Variants in COG3 observed in about 807,000 individuals in gnomAD.
The protein encoded by COG3 is conserved oligomeric Golgi complex subunit 3.
Under a neutral mutation model 114.1 loss-of-function variants are expected in COG3, and 32 were observed. The observed-to-expected ratio is 0.28, with a 90% CI of 0.21 to 0.38. COG3 has a LOEUF of 0.38. Among genes scored for constraint, COG3 ranks in the 10% least tolerant of loss-of-function variants. The pLI is 1.00. For synonymous variants in COG3, 352 were observed against 365.7 expected, an observed-to-expected ratio of 0.96 and a Z score of 0.43; for missense variants, 813 against 973.2, an observed-to-expected ratio of 0.84 and a Z score of 2.19.
Position 45,490,357 on chromosome 13 carries a change from A to G in COG3, c.925-558A>G, listed in dbSNP as rs140398858. Among the ~76,000 whole-genome samples the G allele has an allele frequency of 8.5e-5, 13 of 152,358 alleles. No individual in the cohort carries two copies. The East Asian group carries it at 2.3e-3, about 27-fold the overall frequency. On this transcript the variant is annotated intron_variant, in intron 8 of 22. Coordinates refer to ENST00000349995, the MANE Select transcript of COG3 (RefSeq NM_031431.4). ...TTTATACAGTAGGGAGTGGAATCTC[A>G]GAAGTGAACCAGCTTGCCTGGGCTC... is the stretch of plus-strand genomic sequence containing the variant.
chr13:45,536,312 G>A lies in COG3; in HGVS notation c.*1581G>A, dbSNP rs1051493125. 14 of 152,200 alleles carry A rather than the reference G, an allele frequency of 9.2e-5. No homozygotes were observed. Among genetic ancestry groups the A allele is most frequent in the African/African-American group, 3.1e-4 (13 of 41,456 alleles). The allele number at this position is 152,200 out of a possible 1,614,324, so 9.4% of individuals were successfully genotyped here. A position where few individuals can be genotyped will look rare whatever the true frequency, so the allele number is the denominator to read the frequency against. On this transcript the variant is annotated 3_prime_UTR_variant, in exon 23 of 23. Coordinates refer to ENST00000349995, the MANE Select transcript of COG3 (RefSeq NM_031431.4). ...GAAATGAGGGCATGATTATTGTACA[G>A]TAAGTACGTGACTGATTTAATTTGA...
At chr13:45,492,757 G>A (rs1034041697) in intron 11 of COG3, among the ~76,000 whole-genome samples, 1 of 152,134 alleles carries the variant, frequency 6.6e-6, no homozygotes, top group African/African-American at 2.4e-5. Context: ...GAAGAGAAAA[G>A]TATTTTATGG....
In COG3 at chr13:45,464,963, C is replaced by T. The variant is rs1360694201; in HGVS notation, c.-74C>T. ...TGCAGTGTTGGAAGCTCCGGTTCTCCCGGAAGTGGCCCAGGTCTCTCTGTC... is the reference window on the plus strand; with the variant it reads ...TGCAGTGTTGGAAGCTCCGGTTCTCTCGGAAGTGGCCCAGGTCTCTCTGTC... On this transcript the variant is annotated 5_prime_UTR_variant, in exon 1 of 23. Coordinates refer to ENST00000349995, the MANE Select transcript of COG3 (RefSeq NM_031431.4). The T allele has an allele frequency of 1.1e-5, 16 of 1,490,818 alleles. No homozygotes were observed. Among genetic ancestry groups the T allele is most frequent in the Admixed American group, 2.3e-5 (1 of 43,692 alleles). 92.3% of individuals were successfully genotyped at this position (1,490,818 alleles called of 1,614,324 possible).
In COG3 at chr13:45,493,439, G is replaced by A; in HGVS notation, c.1280G>A (p.Cys427Tyr). 6.2e-7 allele frequency: 1 copy of A among 1,613,406 alleles called. No individual in the cohort carries two copies. Among genetic ancestry groups the A allele is most frequent in the Non-Finnish European group, 8.5e-7 (1 of 1,179,594 alleles). ...VIHLETLSEL[C>Y]GILKNEVLED... ...CACTTAGAGACTCTGTCGGAACTTT[G>A]TGGGATTCTTAAAAATGAGGTGCTT... The change falls in exon 12 of 23, where the codon TGT becomes TAT. Residue 427 changes from cysteine (C) to tyrosine (Y), a missense_variant. Cys to Tyr is a radical substitution (Grantham distance 194). This residue lies in a region of COG3 where 389 missense variants were observed against 542.6 expected (regional missense o/e 0.72). Transcript: ENST00000349995.
At chr13:45,488,862 T>G (rs915436507) in intron 8 of COG3, among the ~76,000 whole-genome samples, 3 of 151,984 alleles carry the variant, frequency 2.0e-5, no homozygotes, top group Admixed American at 6.6e-5. Flanking sequence ...GCTTACTGAC[T>G]TCACTTCCTT....
chr13:45,483,097 G>A, intron 6 of COG3, 133 bp from the exon 7 acceptor site: 1 of 586,918 alleles, frequency 1.7e-6, no homozygotes, highest in Non-Finnish European at 2.9e-6. Context: ...TCTTCATGGA[G>A]TTTATGATCT....
rs779714397 is a variant in COG3 at position 45,496,140 on chromosome 13, C to CT, written c.1328-6dup. 11 of 1,601,038 alleles carry CT rather than the reference C, an allele frequency of 6.9e-6. No individual in the cohort carries two copies. Among genetic ancestry groups the CT allele is most frequent in the East Asian group, 2.3e-5 (1 of 44,176 alleles). On this transcript the variant is annotated splice_polypyrimidine_tract_variant and intron_variant, in intron 12 of 22. Coordinates refer to ENST00000349995, the MANE Select transcript of COG3 (RefSeq NM_031431.4). ...AAATCTAAAAGAATGGATGATTGCA[C>CT]TTTTTTATCAGCTGAGCAACTGGGG...
At chr13:45,474,992 G>A (rs748710493) in intron 1 of COG3, among the ~76,000 whole-genome samples, 1 of 152,142 alleles carries the variant, frequency 6.6e-6, no homozygotes, top group Non-Finnish European at 1.5e-5. Context: ...TTCTTTGATA[G>A]TGGAGAACTA....
At chr13:45,480,042 GA>G in intron 3 of COG3, 82 bp from the exon 4 acceptor site, 1 of 1,261,566 alleles carries the variant, frequency 7.9e-7, no homozygotes, top group South Asian at 1.7e-5. Flanking sequence ...AACATTTTGG[GA>G]AAAATGAGCC....
chr13:45,507,542 A>G (rs1286868165), intron 14 of COG3, among the ~76,000 whole-genome samples: 2 of 152,158 alleles, frequency 1.3e-5, no homozygotes, highest in Non-Finnish European at 2.9e-5. Flanking sequence ...AGGTGGGCAG[A>G]TCACCCACGG....
chr13:45,478,391 G>A (rs910952271), intron 2 of COG3, among the ~76,000 whole-genome samples: 3 of 151,838 alleles, frequency 2.0e-5, no homozygotes, highest in African/African-American at 7.3e-5. Flanking sequence ...GTGTTAGCCA[G>A]GATGGTCTCT....
At chr13:45,472,892 C>T (rs1036357841) in intron 1 of COG3, among the ~76,000 whole-genome samples, 17 of 152,018 alleles carry the variant, frequency 1.1e-4, no homozygotes, top group South Asian at 2.1e-4. Flanking sequence ...TTTTTTGAGA[C>T]GGAGTCTCCC....
At position 45,481,266 on chromosome 13, in the gene COG3, A is replaced by C. The variant is rs755006164; in HGVS notation, c.586A>C (p.Lys196Gln). The C allele has an allele frequency of 1.3e-5, 20 of 1,599,422 alleles. No homozygotes were observed. The highest frequency in any genetic ancestry group is 1.5e-5 in the Non-Finnish European group (17 of 1,168,666). The part of the protein sequence containing the change: ...LVDLAENIQQ[K>Q]LSYFNELETI... ...TGATCTGGCTGAAAACATTCAACAA[A>C]AGCTTTCCTATTTTAACGAATTGGA... Residue 196 changes from lysine to glutamine, a missense_variant, in exon 5 of 23, where the codon AAG becomes CAG. Lys to Gln is a moderately conservative substitution (Grantham distance 53, BLOSUM62 1). Transcript: ENST00000349995.
rs757062966 is a variant in COG3, at chr13:45,482,459, T to C, written c.703T>C (p.Tyr235His). The C allele has an allele frequency of 7.4e-6, 11 of 1,489,986 alleles. No individual in the cohort carries two copies. The South Asian group carries it at 1.2e-4, about 16-fold the overall frequency. The allele number at this position is 1,489,986 out of a possible 1,614,324, so 92.3% of individuals were successfully genotyped here. The change falls in exon 6 of 23, where the codon TAT becomes CAT. Residue 235 changes from tyrosine (Y) to histidine (H), a missense_variant. This residue lies in a region of COG3 where 424 missense variants were observed against 430.6 expected (regional missense o/e 0.98). Transcript: ENST00000349995. ...GGCCAAGTTAGATGATTGTATAACATATATCTCATCTCATGTAAGTCAGAG... is the reference window on the plus strand; with the variant it reads ...GGCCAAGTTAGATGATTGTATAACACATATCTCATCTCATGTAAGTCAGAG... ...MLAKLDDCIT[Y>H]ISSHPNFKDY...
chr13:45,524,053 T>C (rs1019908270), intron 19 of COG3, among the ~76,000 whole-genome samples: 3 of 151,912 alleles, frequency 2.0e-5, no homozygotes, highest in African/African-American at 7.3e-5. Flanking sequence ...GGAGGAGAAA[T>C]AGAAACTAGA....
intron 12 of COG3, 199 bp downstream of exon 12, chr13:45,493,685 A>C (rs1887154476): frequency 2.7e-6 from 1 of 369,484 alleles, no homozygotes; most frequent in Non-Finnish European, 4.8e-6. Context: ...AAAGAATCTT[A>C]AAATCTGGGT....
At chr13:45,528,669 A>G (rs988276430) in intron 20 of COG3, among the ~76,000 whole-genome samples, 30 of 152,328 alleles carry the variant, frequency 2.0e-4, no homozygotes, top group African/African-American at 5.5e-4. Flanking sequence ...ATGAGATTGT[A>G]CTATACCCCT....
chr13:45,490,752 C>T (rs1375919392), intron 8 of COG3, among the ~76,000 whole-genome samples, 163 bp from the exon 9 acceptor site: 2 of 110,900 alleles, frequency 1.8e-5, no homozygotes, highest in Non-Finnish European at 3.4e-5. Context: ...AGAAAATATA[C>T]TGAAATGCTG....
Position 45,491,421 on chromosome 13 carries a change from A to G in COG3, c.978A>G (p.Gln326=), listed in dbSNP as rs140435338. The G allele has an allele frequency of 3.5e-4, 558 of 1,604,872 alleles. No individual in the cohort carries two copies. The highest frequency in any genetic ancestry group is 4.6e-4 in the Non-Finnish European group (538 of 1,177,604). ...ATTTGCTTTCTGTCAGATACCAACA[A>G]CTGCTAAATGATATCCACCAGTGTT... ...LRSEKIPEYQ[Q]LLNDIHQCYL... is the part of the protein sequence containing the mutation. The change falls in exon 10 of 23, where the codon CAA becomes CAG. Residue 326 remains glutamine, a synonymous_variant. Coordinates refer to ENST00000349995, the MANE Select transcript of COG3 (RefSeq NM_031431.4).
Sources: gnomAD v4.1 joint callset for allele counts (sites outside exome capture counted in the v4.1 genomes callset) on GRCh38, gnomAD v4.1.1 for gene constraint, gnomAD v4.1.1 regional missense constraint, MANE v1.5 for transcripts, NCBI Gene and HGNC (gene_info 2026-07-23, HGNC 2026-07-21) for gene names.